Variants in EML1 observed in about 807,000 individuals in gnomAD.
The protein encoded by EML1 is echinoderm microtubule-associated protein-like 1.
EML1 carries 27 observed loss-of-function variants against 110.4 expected under a neutral mutation model. The observed-to-expected ratio is 0.24, with a 90% CI of 0.18 to 0.34. The LOEUF (loss-of-function observed/expected upper bound fraction) is 0.34. Ranked by LOEUF, EML1 falls within the 10% of genes least tolerant of loss-of-function variation. The pLI, the probability that EML1 is intolerant of heterozygous loss-of-function variation, is 1.00. For missense variants in EML1, 741 were observed against 1,030.9 expected (o/e 0.72, Z 3.85); for synonymous variants, 344 against 385.8 (o/e 0.89, Z 1.27).
chr14:99,857,288 AT>A (rs1171978357), intron 2 of EML1, among the ~76,000 whole-genome samples: 1 of 152,172 alleles, frequency 6.6e-6, no homozygotes, highest in Non-Finnish European at 1.5e-5. Context: ...AAATAAATAA[AT>A]AAAGCAAAAA....
chr14:99,906,039 C>T (rs2059840315), intron 9 of EML1, among the ~76,000 whole-genome samples: 1 of 152,134 alleles, frequency 6.6e-6, no homozygotes, highest in East Asian at 1.9e-4. Context: ...TTACCAGACC[C>T]CACCACTTAC....
chr14:99,878,332 G>A (rs1428176048), intron 3 of EML1, among the ~76,000 whole-genome samples, 153 bp from the exon 4 acceptor site: 1 of 152,182 alleles, frequency 6.6e-6, no homozygotes, highest in Non-Finnish European at 1.5e-5. Flanking sequence ...TATTCTATGT[G>A]ACACTCTGAA....
At chr14:99,745,561 A>G (rs536692365) in intron 1 of EML1, among the ~76,000 whole-genome samples, 1 of 152,348 alleles carries the variant, frequency 6.6e-6, no homozygotes, top group Admixed American at 6.5e-5. Flanking sequence ...GAACCCTGTC[A>G]TAAGAGTCAG....
At chr14:99,774,985 T>G (rs1243169748) in intron 1 of EML1, among the ~76,000 whole-genome samples, 1 of 152,210 alleles carries the variant, frequency 6.6e-6, no homozygotes, top group East Asian at 1.9e-4. Flanking sequence ...AGTAGTCCAG[T>G]GATCAGAAAA....
intron 1 of EML1, among the ~76,000 whole-genome samples, chr14:99,810,007 C>T (rs945609413): frequency 2.0e-4 from 31 of 152,218 alleles, no homozygotes; most frequent in African/African-American, 7.0e-4. Flanking sequence ...CCCTGTACCG[C>T]GTCTGGTTCC....
chr14:99,747,589 T>C (rs1157866317), intron 1 of EML1, among the ~76,000 whole-genome samples: 2 of 152,210 alleles, frequency 1.3e-5, no homozygotes, highest in Admixed American at 1.3e-4. Context: ...TTTCTGTGTC[T>C]ATTCATGTCT....
rs113496186 is a variant in EML1 at position 99,940,034 on chromosome 14, C to T, written c.2370C>T (p.Val790=). The T allele has an allele frequency of 1.9e-6, 3 of 1,603,504 alleles. No homozygotes were observed. The highest frequency in any genetic ancestry group is 1.7e-4 in the Middle Eastern group (1 of 6,024). Residue 790 remains valine (V), a synonymous_variant, in exon 22 of 22, where the codon GTC becomes GTT. Transcript: ENST00000262233. ...GGCACAGCAGCCATGTCACCAATGT[C>T]GATTTCCTCTGTGAAGACAGCCACC... ...YGGHSSHVTN[V]DFLCEDSHLI...
intron 1 of EML1, among the ~76,000 whole-genome samples, chr14:99,758,695 C>T (rs756837950): frequency 1.3e-5 from 2 of 152,098 alleles, no homozygotes; most frequent in Admixed American, 6.5e-5. Flanking sequence ...ATATGCACAG[C>T]GGGTCCTCAT....
At chr14:99,817,646 A>T (rs1212272266) in intron 1 of EML1, among the ~76,000 whole-genome samples, 1 of 152,160 alleles carries the variant, frequency 6.6e-6, no homozygotes, top group Non-Finnish European at 1.5e-5. Context: ...ACACTTTTAG[A>T]ACTGCTGCTG....
chr14:99,752,107 C>T (rs148578602), intron 1 of EML1, among the ~76,000 whole-genome samples: 281 of 152,292 alleles, frequency 1.8e-3, no homozygotes, highest in Middle Eastern at 3.4e-3. Context: ...CCCCACCGCG[C>T]AGGGCTGATG....
Position 99,939,395 on chromosome 14 carries a change from A to C in EML1, c.2322+68A>C. On this transcript the variant is annotated intron_variant, in intron 21 of 21. Transcript: ENST00000262233. The surrounding 1 kb of genome is among the most constrained non-coding windows in gnomAD (Gnocchi z 4.2). Reference sequence around the variant, plus strand: ...ATGCACGTACACCCGACCTGTTTGGAGACTAAGTGGAAATGGGCTGTGAGC... The same window carrying C: ...ATGCACGTACACCCGACCTGTTTGGCGACTAAGTGGAAATGGGCTGTGAGC... The C allele has an allele frequency of 9.4e-6, 15 of 1,590,280 alleles. No individual in the cohort carries two copies. The highest frequency in any genetic ancestry group is 1.3e-5 in the Non-Finnish European group (15 of 1,165,824).
rs946908036 is a variant in EML1 at position 99,752,149 on chromosome 14, C to T, written c.28+14289C>T. 7.9e-5 allele frequency among the ~76,000 whole-genome samples: 12 copies of T among 152,296 alleles called. No individual in the cohort carries two copies. The South Asian group carries it at 1.7e-3, about 21-fold the overall frequency. ...ATGCCATCAGCTGGCTTTCTTGGTT[C>T]AAACACACTGAGAGCTCCCAGTTCT... On this transcript the variant is annotated intron_variant, in intron 1 of 10. Transcript: ENST00000554479.
At chr14:99,849,060 A>C (rs1380811015) in intron 1 of EML1, among the ~76,000 whole-genome samples, 1 of 152,164 alleles carries the variant, frequency 6.6e-6, no homozygotes, top group Non-Finnish European at 1.5e-5. Flanking sequence ...TATCATTTCC[A>C]GTGCTCTTCA....
chr14:99,873,653 G>A (rs534407756), intron 3 of EML1, among the ~76,000 whole-genome samples: 3 of 152,342 alleles, frequency 2.0e-5, no homozygotes, highest in Middle Eastern at 3.4e-3. Flanking sequence ...ATTGTAGAAA[G>A]AAAGACTTAT....
chr14:99,915,377 A>C (rs1430202861), intron 15 of EML1: 1 of 144,260 alleles, frequency 6.9e-6, no homozygotes, highest in Admixed American at 7.4e-5. Flanking sequence ...ACGCCATTGC[A>C]CTCCAGCCTG....
At position 99,800,234 on chromosome 14, in the gene EML1, A is replaced by C. The variant is rs58580235; in HGVS notation, c.67+6691A>C. ...CTGCACATTCATTTTAATCTGGCCC[A>C]GGACTGGGGGTGTGCGAAGGTGTCA... is the stretch of plus-strand genomic sequence containing the variant. On this transcript the variant is annotated intron_variant, in intron 1 of 21. Transcript: ENST00000262233. Among the ~76,000 whole-genome samples the C allele has an allele frequency of 5.0e-3, 761 of 152,314 alleles. 5 individuals are homozygous for C. The highest frequency in any genetic ancestry group is 0.017 in the African/African-American group (725 of 41,580).
At chr14:99,756,751 T>C (rs1321295488) in intron 1 of EML1, among the ~76,000 whole-genome samples, 1 of 152,098 alleles carries the variant, frequency 6.6e-6, no homozygotes, top group Non-Finnish European at 1.5e-5. Context: ...GGGGCTCTGG[T>C]GTGATTCCCG....
chr14:99,767,375 G>A (rs193171779), intron 1 of EML1, among the ~76,000 whole-genome samples: 10 of 152,224 alleles, frequency 6.6e-5, no homozygotes, highest in African/African-American at 1.7e-4. Context: ...AGGCCAAGGC[G>A]GGCAGATCAT....
intron 3 of EML1, among the ~76,000 whole-genome samples, chr14:99,865,883 T>C (rs544342313): frequency 6.6e-6 from 1 of 152,376 alleles, no homozygotes; most frequent in Non-Finnish European, 1.5e-5. Context: ...GTGTGGTGTT[T>C]TGTATTTTTA....
Sources: allele counts gnomAD v4.1 joint callset (sites outside exome capture counted in the v4.1 genomes callset), GRCh38; gene constraint gnomAD v4.1.1; non-coding constraint Gnocchi (gnomAD v3.1); transcripts MANE v1.5; gene names NCBI Gene and HGNC (gene_info 2026-07-23, HGNC 2026-07-21).